AVL9: variants seen among roughly 807,000 people sequenced by gnomAD.
The protein encoded by AVL9 is late secretory pathway protein AVL9 homolog.
AVL9 carries 49 observed loss-of-function variants against 79.2 expected under a neutral mutation model. The ratio of observed to expected loss-of-function variants is 0.62; its 90% CI spans 0.49 to 0.79. The LOEUF (loss-of-function observed/expected upper bound fraction) is 0.79. AVL9 is among the 30% of genes least tolerant of loss of function. The pLI is 0.00. For missense variants in AVL9, 682 were observed against 776.8 expected (o/e 0.88, Z 1.45); for synonymous variants, 299 against 280.6 (o/e 1.07, Z -0.65).
rs70992731 is a variant in AVL9 at position 32,566,180 on chromosome 7, A to ATCTATTTTTTTTTTTTT, written c.1216-3839_1216-3838insCTATTTTTTTTTTTTTT. On this transcript the variant is annotated intron_variant, in intron 10 of 15. Transcript: ENST00000318709. ...TAAAAAAATTTTAATTATTATTATT[A>ATCTATTTTTTTTTTTTT]TTTTTTTTTTTTGGAGACAAGGTCT... Among the ~76,000 whole-genome samples the ATCTATTTTTTTTTTTTT allele has an allele frequency of 2.1e-5, 2 of 93,878 alleles. 1 individual carries two copies. The highest frequency in any genetic ancestry group is 8.3e-5 in the African/African-American group (2 of 24,064). The allele number at this position is 93,878 out of a possible 152,430, so 61.6% of individuals were successfully genotyped here. A position where few individuals can be genotyped will look rare whatever the true frequency, so the allele number is the denominator to read the frequency against.
intron 1 of AVL9, chr7:32,534,486 A>G (rs914924836): frequency 3.3e-5 from 5 of 152,160 alleles, no homozygotes; most frequent in African/African-American, 1.2e-4. Flanking sequence ...TCTCAAGAGT[A>G]GATCTCAAAG....
At chr7:32,514,307 G>A (rs532277018) in intron 1 of AVL9, among the ~76,000 whole-genome samples, 1 of 152,310 alleles carries the variant, frequency 6.6e-6, no homozygotes, top group South Asian at 2.1e-4. Flanking sequence ...CTTCCACAGT[G>A]CATTGTGTCT....
At chr7:32,568,757 C>G (rs1370987486) in intron 10 of AVL9, among the ~76,000 whole-genome samples, 1 of 151,970 alleles carries the variant, frequency 6.6e-6, no homozygotes, top group Non-Finnish European at 1.5e-5. Context: ...TTCTTGAAAG[C>G]TTTGACCTAC....
chr7:32,517,376 G>A (rs1019031854), intron 1 of AVL9, among the ~76,000 whole-genome samples: 2 of 150,796 alleles, frequency 1.3e-5, no homozygotes, highest in South Asian at 2.1e-4. Flanking sequence ...CATGATCTCA[G>A]CTCACTGCAA....
rs912285551 is a variant in AVL9, at chr7:32,548,843, A to G, written c.301-4A>G. 3 of 1,557,682 alleles carry G rather than the reference A, an allele frequency of 1.9e-6. No homozygotes were observed. In the African/African-American group the frequency reaches 4.1e-5, roughly 21 times the overall value. On this transcript the variant is annotated splice_polypyrimidine_tract_variant and splice_region_variant and intron_variant, in intron 3 of 15. Transcript: ENST00000318709. ...TCTGATAAATTGCTCTTTGTTCATA[A>G]TAGGCACTGAAAGTAAGGCAAGCAG...
At chr7:32,542,385 C>CAAAAAA (rs567774011) in intron 1 of AVL9, among the ~76,000 whole-genome samples, 1 of 90,618 alleles carries the variant, frequency 1.1e-5, no homozygotes, top group African/African-American at 3.7e-5. Flanking sequence ...AGTAAAAATA[C>CAAAAAA]AAAAAAAAAA....
rs1791844236 is a variant in AVL9, at chr7:32,587,355, T to G, written c.*3448T>G. The G allele has an allele frequency of 6.6e-6, 1 of 152,232 alleles. No individual in the cohort carries two copies. Among genetic ancestry groups the G allele is most frequent in the Admixed American group, 6.5e-5 (1 of 15,268 alleles). The allele number at this position is 152,232 out of a possible 1,614,324, so 9.4% of individuals were successfully genotyped here. On this transcript the variant is annotated 3_prime_UTR_variant, in exon 16 of 16. Transcript: ENST00000318709. ...CAAGTTTTAAAGTCACGCTACGGCATTATCACCCTGGCAGGTAGGTTTTGT... is the reference window on the plus strand; with the variant it reads ...CAAGTTTTAAAGTCACGCTACGGCAGTATCACCCTGGCAGGTAGGTTTTGT...
chr7:32,559,585 A>G (rs1045568554), intron 10 of AVL9, 121 bp downstream of exon 10: 6 of 907,364 alleles, frequency 6.6e-6, no homozygotes, highest in South Asian at 3.9e-5. Context: ...TGAAAACTGT[A>G]AAGTACAACC....
chr7:32,557,907 G>A (rs1790147607), intron 8 of AVL9, among the ~76,000 whole-genome samples: 1 of 147,040 alleles, frequency 6.8e-6, no homozygotes, highest in South Asian at 2.2e-4. Context: ...CCAGGCTGGA[G>A]TGCAGTGGCG....
At chr7:32,579,517 T>TA (rs1266714595) in intron 13 of AVL9, among the ~76,000 whole-genome samples, 143 of 3,490 alleles carry the variant, frequency 0.041, 34 homozygotes, top group Middle Eastern at 0.14. Context: ...ATATATTATA[T>TA]TATATATTAT....
chr7:32,564,120 G>C (rs1044421764), intron 10 of AVL9, among the ~76,000 whole-genome samples: 10 of 152,266 alleles, frequency 6.6e-5, no homozygotes, highest in Admixed American at 6.5e-4. Context: ...GGTTTTGTCA[G>C]GTTGCTGACA....
chr7:32,583,083 A>C (rs765402025), intron 15 of AVL9, among the ~76,000 whole-genome samples: 6 of 152,216 alleles, frequency 3.9e-5, no homozygotes, highest in Non-Finnish European at 7.3e-5. Flanking sequence ...TTTAGATGAC[A>C]AAAGCACATT....
At chr7:32,575,515 C>CTTT (rs34398970) in intron 12 of AVL9, among the ~76,000 whole-genome samples, 1 of 139,074 alleles carries the variant, frequency 7.2e-6, no homozygotes, top group African/African-American at 2.5e-5. Context: ...CATTCTTAAT[C>CTTT]TTTTTTTTTG....
intron 1 of AVL9, among the ~76,000 whole-genome samples, chr7:32,510,084 G>GTT (rs1787590829): frequency 4.7e-5 from 7 of 147,556 alleles, no homozygotes; most frequent in Admixed American, 2.0e-4. Flanking sequence ...TGCCCCAGGA[G>GTT]GAGGGAAGCC....
chr7:32,544,792 A>C lies in AVL9; in HGVS notation c.300+13A>C, dbSNP rs1196526883. 1 of 1,600,408 alleles carries C rather than the reference A, an allele frequency of 6.2e-7. No homozygotes were observed. The highest frequency in any genetic ancestry group is 8.6e-7 in the Non-Finnish European group (1 of 1,168,706). On this transcript the variant is annotated intron_variant, in intron 3 of 15. Coordinates refer to ENST00000318709, the MANE Select transcript of AVL9 (RefSeq NM_015060.3). ...AATTGAAGCCAAGGTACGATAGTTAATAGTGAAAAACAATTCCAAAGTCCC... is the reference window on the plus strand; with the variant it reads ...AATTGAAGCCAAGGTACGATAGTTACTAGTGAAAAACAATTCCAAAGTCCC...
chr7:32,587,137 G>GT lies in AVL9; in HGVS notation c.*3236dup, dbSNP rs1313991445. The GT allele has an allele frequency of 6.6e-6, 1 of 152,180 alleles. No individual in the cohort carries two copies. Among genetic ancestry groups the GT allele is most frequent in the African/African-American group, 2.4e-5 (1 of 41,454 alleles). 9.4% of individuals were successfully genotyped at this position (152,180 alleles called of 1,614,324 possible). Reference sequence around the variant, plus strand: ...CCAAATTCTATACTAAGCATCTGATGTTTTTTAGAATAATTTCCTTTGGAA... The same window carrying GT: ...CCAAATTCTATACTAAGCATCTGATGTTTTTTTAGAATAATTTCCTTTGGAA... On this transcript the variant is annotated 3_prime_UTR_variant, in exon 16 of 16. Coordinates refer to ENST00000318709, the MANE Select transcript of AVL9 (RefSeq NM_015060.3).
At chr7:32,561,750 G>A (rs771945885) in intron 10 of AVL9, among the ~76,000 whole-genome samples, 2 of 152,212 alleles carry the variant, frequency 1.3e-5, no homozygotes, top group Non-Finnish European at 2.9e-5. Flanking sequence ...AAGAGGCATA[G>A]ATTTCTGTCT....
chr7:32,548,154 T>TTGTTTTCTTTTTGTTTTTTTG lies in AVL9; in HGVS notation c.301-692_301-691insGTTTTCTTTTTGTTTTTTTGT, dbSNP rs775974010. Among the ~76,000 whole-genome samples, 58 of 146,254 alleles carry TTGTTTTCTTTTTGTTTTTTTG rather than the reference T, an allele frequency of 4.0e-4. 2 individuals are homozygous for TTGTTTTCTTTTTGTTTTTTTG. In the East Asian group the frequency reaches 8.0e-3, roughly 20 times the overall value. On this transcript the variant is annotated intron_variant, in intron 3 of 15. Coordinates refer to ENST00000318709, the MANE Select transcript of AVL9 (RefSeq NM_015060.3). ...CTGTTTTTGTCATCTCTTTTTTCTT[T>TTGTTTTCTTTTTGTTTTTTTG]TTTTTTTTTTTGAGACGGAGTCTCA...
intron 10 of AVL9, among the ~76,000 whole-genome samples, chr7:32,564,077 T>C (rs1790450148): frequency 6.6e-6 from 1 of 152,164 alleles, no homozygotes; most frequent in Admixed American, 6.5e-5. Context: ...ATTGTGAAGA[T>C]ATCAAGAGGG....
Sources: gnomAD v4.1 joint callset for allele counts (sites outside exome capture counted in the v4.1 genomes callset) on GRCh38, gnomAD v4.1.1 for gene constraint, MANE v1.5 for transcripts, NCBI Gene and HGNC (gene_info 2026-07-23, HGNC 2026-07-21) for gene names.